The following ART3 variants were observed in gnomAD, a reference collection of about 807,000 sequenced individuals.
ART3 encodes ecto-ADP-ribosyltransferase 3.
Under a neutral mutation model 48.5 loss-of-function variants are expected in ART3, and 49 were observed. The ratio of observed to expected loss-of-function variants is 1.01; its 90% CI spans 0.80 to 1.28. The LOEUF (loss-of-function observed/expected upper bound fraction) is 1.28, where lower values mean the gene tolerates loss of function less well. Among genes scored for constraint, ART3 ranks in the 50% most tolerant of loss-of-function variants. The pLI, the probability that ART3 is intolerant of heterozygous loss-of-function variation, is 0.00. For synonymous variants in ART3, 145 were observed against 157.2 expected (o/e 0.92, Z 0.58); for missense variants, 438 against 454.3 (o/e 0.96, Z 0.33).
chr4:76,066,390 C>T (rs115491051), intron 1 of ART3, among the ~76,000 whole-genome samples: 2,202 of 152,194 alleles, frequency 0.014, 29 homozygotes, highest in South Asian at 0.04. Context: ...CCTCTGTGGG[C>T]AGGCAGGTCG....
At chr4:76,105,079 C>G (rs1442715166) in intron 10 of ART3, among the ~76,000 whole-genome samples, 1 of 152,146 alleles carries the variant, frequency 6.6e-6, no homozygotes, top group Non-Finnish European at 1.5e-5. Flanking sequence ...TCCAGGACCT[C>G]TTTTATATTG....
chr4:76,110,866 T>C (rs35713908), intron 11 of ART3, among the ~76,000 whole-genome samples: 23,720 of 151,964 alleles, frequency 0.16, 2,825 homozygotes, highest in African/African-American at 0.32. Flanking sequence ...AAGTATGTCA[T>C]GAATGCATAA....
chr4:76,054,292 A>T (rs1718463809), intron 1 of ART3, among the ~76,000 whole-genome samples: 1 of 152,176 alleles, frequency 6.6e-6, no homozygotes, highest in South Asian at 2.1e-4. Context: ...GCTTCATTGG[A>T]TTTATTTGTA....
chr4:76,015,952 T>A (rs1380152021), intron 1 of ART3, among the ~76,000 whole-genome samples: 1 of 152,170 alleles, frequency 6.6e-6, no homozygotes, highest in African/African-American at 2.4e-5. Flanking sequence ...TGGCCTAGGT[T>A]TGTTAGTATT....
At chr4:76,084,450 T>G (rs931967400) in intron 3 of ART3, among the ~76,000 whole-genome samples, 1 of 152,244 alleles carries the variant, frequency 6.6e-6, no homozygotes, top group African/African-American at 2.4e-5. Flanking sequence ...CCTTGGAATT[T>G]TGAAGATATT....
At chr4:76,094,615 G>T (rs899867227) in intron 3 of ART3, among the ~76,000 whole-genome samples, 1 of 152,170 alleles carries the variant, frequency 6.6e-6, no homozygotes, top group Admixed American at 6.5e-5. Context: ...CACTGCTGAG[G>T]CTGTACCCTT....
At chr4:76,050,693 A>G (rs13133745) in intron 1 of ART3, among the ~76,000 whole-genome samples, 88,587 of 151,512 alleles carry the variant, frequency 0.58, 26,709 homozygotes, top group East Asian at 0.94. Context: ...GGGACTGGGC[A>G]CCGTGGAGCA....
chr4:76,056,632 G>A (rs544277110), intron 1 of ART3, among the ~76,000 whole-genome samples: 1 of 152,240 alleles, frequency 6.6e-6, no homozygotes, highest in South Asian at 2.1e-4. Flanking sequence ...CAGGAAAGGT[G>A]CAAAGTTCCT....
At chr4:76,092,088 ATTATATGTTCT>A (rs1725034069) in intron 3 of ART3, among the ~76,000 whole-genome samples, 1 of 152,186 alleles carries the variant, frequency 6.6e-6, no homozygotes, top group Non-Finnish European at 1.5e-5. Flanking sequence ...TGTTTTGGTG[ATTATATGTTCT>A]TTATGCTTCC....
chr4:76,084,567 T>C (rs1723156046), intron 3 of ART3, among the ~76,000 whole-genome samples: 1 of 152,240 alleles, frequency 6.6e-6, no homozygotes, highest in Admixed American at 6.5e-5. Flanking sequence ...TGGAAGGTTT[T>C]AGGTTGTTTT....
chr4:76,109,831 A>G (rs1046255186), intron 11 of ART3, among the ~76,000 whole-genome samples: 1 of 152,228 alleles, frequency 6.6e-6, no homozygotes, highest in African/African-American at 2.4e-5. Flanking sequence ...CTCTGTGTGT[A>G]TACATCCAAC....
intron 1 of ART3, among the ~76,000 whole-genome samples, chr4:76,019,573 C>T (rs146512686): frequency 0.049 from 740 of 15,082 alleles, 19 homozygotes; most frequent in African/African-American, 0.15. Flanking sequence ...CCTGCTTCAG[C>T]CTCCCGAGTA....
chr4:76,020,368 G>C (rs563324949), intron 1 of ART3, among the ~76,000 whole-genome samples: 11 of 152,258 alleles, frequency 7.2e-5, no homozygotes. Context: ...AAAGTGCTGA[G>C]ATTACAGGCA....
intron 5 of ART3, 178 bp downstream of exon 5, chr4:76,099,165 G>T: frequency 1.7e-6 from 1 of 591,586 alleles, no homozygotes; most frequent in Non-Finnish European, 3.1e-6. Context: ...AGCCAGGCAT[G>T]GTGGTGTGCA....
chr4:76,101,121 G>A (rs531481257), intron 8 of ART3, 102 bp downstream of exon 8: 1 of 1,410,110 alleles, frequency 7.1e-7, no homozygotes, highest in Non-Finnish European at 9.9e-7. Context: ...GTGGGAGGAA[G>A]GCAGAGCTCA....
Position 76,082,012 on chromosome 4 carries a change from C to G in ART3, c.258C>G (p.Leu86=). The change falls in exon 3 of 12, where the codon CTC becomes CTG. Residue 86 remains leucine, a synonymous_variant. Transcript: ENST00000355810. ...CAGCCCGAAAGACTCAAATCTTTCT[C>G]CCTATGAATTTTAAGGATAACCATG... is the stretch of plus-strand genomic sequence containing the variant. The part of the protein sequence containing the change: ...KWAARKTQIF[L]PMNFKDNHGI... The G allele has an allele frequency of 6.2e-7, 1 of 1,614,146 alleles. No homozygotes were observed. The highest frequency in any genetic ancestry group is 8.5e-7 in the Non-Finnish European group (1 of 1,180,020).
At chr4:76,091,639 T>G (rs1238718200) in intron 3 of ART3, among the ~76,000 whole-genome samples, 1 of 151,936 alleles carries the variant, frequency 6.6e-6, no homozygotes, top group Non-Finnish European at 1.5e-5. Context: ...TTTTGTCTGA[T>G]ATGTGATTTG....
intron 1 of ART3, among the ~76,000 whole-genome samples, chr4:76,012,972 T>C (rs568403058): frequency 2.0e-5 from 3 of 152,370 alleles, no homozygotes; most frequent in East Asian, 3.9e-4. Flanking sequence ...ACCAAACTTT[T>C]ATTCTTATGG....
At chr4:76,088,121 T>A (rs1456769404) in intron 3 of ART3, among the ~76,000 whole-genome samples, 2 of 152,054 alleles carry the variant, frequency 1.3e-5, no homozygotes, top group Non-Finnish European at 2.9e-5. Flanking sequence ...GTGAATGAAT[T>A]ATAAATACCT....
Sources: gnomAD v4.1 joint callset for allele counts (sites outside exome capture counted in the v4.1 genomes callset) on GRCh38, gnomAD v4.1.1 for gene constraint, MANE v1.5 for transcripts, NCBI Gene and HGNC (gene_info 2026-07-23, HGNC 2026-07-21) for gene names.